The following JCAD variants were observed in gnomAD, a reference collection of about 807,000 sequenced individuals.
JCAD encodes junctional cadherin 5-associated protein.
JCAD carries 40 observed loss-of-function variants against 98.0 expected under a neutral mutation model. That is an observed-to-expected ratio of 0.41 (90% confidence interval 0.32 to 0.53). The LOEUF is 0.53. JCAD is among the 20% of genes least tolerant of loss of function. The pLI, the probability that JCAD is intolerant of heterozygous loss-of-function variation, is 0.31. For missense variants in JCAD, 1,705 were observed against 1,738.1 expected (o/e 0.98, Z 0.34); for synonymous variants, 691 against 682.3 (o/e 1.01, Z -0.20).
intron 1 of JCAD, among the ~76,000 whole-genome samples, chr10:30,102,687 A>G (rs1360950923): frequency 1.3e-5 from 2 of 152,198 alleles, no homozygotes; most frequent in Non-Finnish European, 2.9e-5. Context: ...AGAATCATAC[A>G]GTATTTGCCC....
chr10:30,066,814 A>T (rs1837792585), intron 2 of JCAD, among the ~76,000 whole-genome samples: 1 of 152,136 alleles, frequency 6.6e-6, no homozygotes, highest in Non-Finnish European at 1.5e-5. Flanking sequence ...TGAGGTCAGG[A>T]GTTCAAGACC....
chr10:30,024,576 G>A (rs1162988129), intron 3 of JCAD, among the ~76,000 whole-genome samples: 4 of 151,950 alleles, frequency 2.6e-5, no homozygotes, highest in South Asian at 2.1e-4. Flanking sequence ...ACGGGGCCCC[G>A]ACGAAGGATT....
In JCAD at chr10:30,028,268, A is replaced by G; in HGVS notation, c.1880T>C (p.Met627Thr). ...CTGCAGCTCCAGGTCGGTGGAAGAC[A>G]TGCTCAGCAGACTCTGTTCTTGCAG... Reference protein sequence around the residue: ...PALQEQSLLSMSSTDLELQAL... With the variant: ...PALQEQSLLSTSSTDLELQAL... Residue 627 changes from methionine (M) to threonine (T), a missense_variant, in exon 3 of 4, where the codon ATG becomes ACG. By Grantham distance (81) the Met-to-Thr change is moderately conservative. Coordinates refer to ENST00000375377, the MANE Select transcript of JCAD (RefSeq NM_020848.4). The G allele has an allele frequency of 1.2e-6, 2 of 1,614,230 alleles. No individual in the cohort carries two copies. The highest frequency in any genetic ancestry group is 1.7e-6 in the Non-Finnish European group (2 of 1,180,052).
At chr10:30,096,519 T>A (rs1838371299) in intron 1 of JCAD, among the ~76,000 whole-genome samples, 1 of 152,230 alleles carries the variant, frequency 6.6e-6, no homozygotes, top group Non-Finnish European at 1.5e-5. Context: ...GACATGACTT[T>A]TATATAACAT....
intron 3 of JCAD, among the ~76,000 whole-genome samples, chr10:30,023,597 G>C (rs899133832): frequency 2.6e-5 from 4 of 152,154 alleles, no homozygotes; most frequent in South Asian, 2.1e-4. Context: ...GACTGTACTT[G>C]AAAATGCCCG....
rs1213523383 is a variant in JCAD at position 30,028,435 on chromosome 10, T to C, written c.1713A>G (p.Ser571=). Residue 571 remains serine, a synonymous_variant, in exon 3 of 4, where the codon TCA becomes TCG. Transcript: ENST00000375377. The part of the protein sequence containing the change: ...FQTGTRTKKS[S]KKKMNETIFC... ...ATATAGTCTCGTTCATTTTTTTCTT[T>C]GAACTTTTCTTGGTCCGAGTCCCAG... The C allele has an allele frequency of 1.9e-6, 3 of 1,614,116 alleles. No homozygotes were observed. Among genetic ancestry groups the C allele is most frequent in the East Asian group, 2.2e-5 (1 of 44,904 alleles).
chr10:30,059,953 A>T (rs1438411879), upstream of JCAD, among the ~76,000 whole-genome samples: 2 of 152,166 alleles, frequency 1.3e-5, no homozygotes, highest in East Asian at 3.8e-4. This position sits in a 1 kb window ranked among gnomAD's most constrained non-coding sequence, Gnocchi z 5.0. Flanking sequence ...ACACATATAC[A>T]GGACACACAG....
At position 30,040,610 on chromosome 10, in the gene JCAD, A is replaced by G. The variant is rs535319378; in HGVS notation, c.281+6922T>C. 2.5e-4 allele frequency among the ~76,000 whole-genome samples: 38 copies of G among 152,308 alleles called. No individual in the cohort carries two copies. The South Asian group carries it at 6.8e-3, about 27-fold the overall frequency. On this transcript the variant is annotated intron_variant, in intron 2 of 3. Coordinates refer to ENST00000375377, the MANE Select transcript of JCAD (RefSeq NM_020848.4). ...CCACGGTTCTTCAGAAGCCAAGATG[A>G]GGGCTGTGAGGAGCAGAAAAGGTGG...
At chr10:30,090,779 C>T (rs73598347) in intron 1 of JCAD, among the ~76,000 whole-genome samples, 4,401 of 152,236 alleles carry the variant, frequency 0.029, 230 homozygotes, top group African/African-American at 0.099. Context: ...AAGGATTGGT[C>T]GCTTCCAGCT....
Position 30,065,689 on chromosome 10 carries a change from C to G in JCAD, n.250+4011G>C, listed in dbSNP as rs573602102. ...CTAATTTTTGTATCTTCTGCGGAGA[C>G]GGGCTCTCCCTGTGTTGCCCAGTCT... is the stretch of plus-strand genomic sequence containing the variant. On this transcript the variant is annotated intron_variant and non_coding_transcript_variant, in intron 2 of 2. Coordinates refer to the JCAD transcript ENST00000465712. Among the ~76,000 whole-genome samples, 4 of 152,080 alleles carry G rather than the reference C, an allele frequency of 2.6e-5. No homozygotes were observed. In the East Asian group the frequency reaches 7.7e-4, roughly 29 times the overall value.
intron 1 of JCAD, among the ~76,000 whole-genome samples, chr10:30,110,986 C>T (rs1486138098): frequency 1.3e-4 from 19 of 151,906 alleles, no homozygotes; most frequent in Admixed American, 1.2e-3. Flanking sequence ...CTAATGTATG[C>T]ACCCACTTAG....
In JCAD at chr10:30,029,442, G is replaced by T. The variant is rs370630504; in HGVS notation, c.706C>A (p.Leu236Ile). The change falls in exon 3 of 4, where the codon CTT becomes ATT. Residue 236 changes from leucine to isoleucine, a missense_variant. Transcript: ENST00000375377. ...KGKSRSLPRV[L>I]SPESLSCTEI... ...GTGCAACTCAGGCTCTCGGGGGAAA[G>T]AACTCTAGGCAGTGAGCGAGACTTC... 3.1e-6 allele frequency: 5 copies of T among 1,614,064 alleles called. No individual in the cohort carries two copies. The highest frequency in any genetic ancestry group is 4.2e-6 in the Non-Finnish European group (5 of 1,180,036).
At chr10:30,110,598 A>G (rs1338745759) in intron 1 of JCAD, among the ~76,000 whole-genome samples, 1 of 152,018 alleles carries the variant, frequency 6.6e-6, no homozygotes, top group East Asian at 1.9e-4. Flanking sequence ...GCACTGATGT[A>G]TGGACCAGCT....
chr10:30,114,852 T>TAGAC (rs1554805021), intron 1 of JCAD, among the ~76,000 whole-genome samples: 1 of 151,426 alleles, frequency 6.6e-6, no homozygotes, highest in Non-Finnish European at 1.5e-5. Flanking sequence ...GATAGATAGA[T>TAGAC]AGATGATAGA....
At position 30,028,894 on chromosome 10, in the gene JCAD, G is replaced by A. The variant is rs144517015; in HGVS notation, c.1254C>T (p.Asp418=). ...PAHPRPVTAY[D]GFVQYIPFDD... Reference sequence around the variant, plus strand: ...CAAAGGGAATGTACTGAACGAAGCCGTCATAGGCAGTGACAGGTCGGGGAT... The same window carrying A: ...CAAAGGGAATGTACTGAACGAAGCCATCATAGGCAGTGACAGGTCGGGGAT... The change falls in exon 3 of 4, where the codon GAC becomes GAT. Residue 418 remains aspartate (D), a synonymous_variant. Transcript: ENST00000375377. 8.5e-4 allele frequency: 1,365 copies of A among 1,614,188 alleles called. 12 individuals are homozygous for A. The African/African-American group carries it at 0.014, about 17-fold the overall frequency.
chr10:30,053,448 C>G (rs1377249406), intron 1 of JCAD, among the ~76,000 whole-genome samples: 1 of 151,726 alleles, frequency 6.6e-6, no homozygotes, highest in Non-Finnish European at 1.5e-5. Flanking sequence ...GTAGTCCTAG[C>G]TACCTAGTAG....
chr10:30,070,717 C>T (rs1335916225), intron 1 of JCAD, among the ~76,000 whole-genome samples: 1 of 152,156 alleles, frequency 6.6e-6, no homozygotes, highest in Non-Finnish European at 1.5e-5. Flanking sequence ...CAGTTTTATA[C>T]ATCTTGGAAC....
At chr10:30,064,842 T>G (rs1261030650) in intron 2 of JCAD, among the ~76,000 whole-genome samples, 1 of 152,148 alleles carries the variant, frequency 6.6e-6, no homozygotes, top group Non-Finnish European at 1.5e-5. Context: ...TGGTTAATTT[T>G]TGTATTTTTA....
At chr10:30,040,535 T>G (rs1469324921) in intron 2 of JCAD, among the ~76,000 whole-genome samples, 1 of 152,252 alleles carries the variant, frequency 6.6e-6, no homozygotes, top group African/African-American at 2.4e-5. Flanking sequence ...TTTCATTTAC[T>G]TATTCATTTA....
Sources: gnomAD v4.1 joint callset for allele counts (sites outside exome capture counted in the v4.1 genomes callset) on GRCh38, gnomAD v4.1.1 for gene constraint, Gnocchi (gnomAD v3.1) non-coding constraint, MANE v1.5 for transcripts, NCBI Gene and HGNC (gene_info 2026-07-23, HGNC 2026-07-21) for gene names.